DMD: variants seen among roughly 807,000 people sequenced by gnomAD.
DMD encodes dystrophin.
Under a neutral mutation model 330.1 loss-of-function variants are expected in DMD, and 63 were observed. The observed-to-expected ratio is 0.19, with a 90% CI of 0.16 to 0.24. The LOEUF (loss-of-function observed/expected upper bound fraction) is 0.24, where lower values mean the gene tolerates loss of function less well. DMD is among the 10% of genes least tolerant of loss of function. DMD has a pLI of 1.00. For synonymous variants in DMD, 1,223 were observed against 959.8 expected, an observed-to-expected ratio of 1.27 and a Z score of -5.07; for missense variants, 3,344 against 2,684.1, an observed-to-expected ratio of 1.25 and a Z score of -5.43.
chrX:32,584,924 G>C lies in DMD; in HGVS notation c.1602+10833C>G, dbSNP rs140965797. Among the ~76,000 whole-genome samples the C allele has an allele frequency of 3.0e-4, 33 of 110,570 alleles. No homozygotes were observed. In the East Asian group the frequency reaches 8.5e-3, roughly 28 times the overall value. ...TTTGCTTGATACTTCAATTTAAAAA[G>C]TACCATAAAGTTTGCATTTTTTTTT... On this transcript the variant is annotated intron_variant, in intron 13 of 78. Coordinates refer to ENST00000357033, the MANE Select transcript of DMD (RefSeq NM_004006.3).
At chrX:31,861,584 TA>T (rs55938260) in intron 48 of DMD, among the ~76,000 whole-genome samples, 9,836 of 81,450 alleles carry the variant, frequency 0.12, 509 homozygotes, top group Non-Finnish European at 0.14. Context: ...TATGCAACTG[TA>T]AAAAAAAAAA....
chrX:31,914,552 T>C (rs901484436), intron 47 of DMD, among the ~76,000 whole-genome samples: 3 of 112,254 alleles, frequency 2.7e-5, no homozygotes, highest in Non-Finnish European at 3.8e-5. Context: ...TATTCTGCCA[T>C]AGAAAAGATT....
At chrX:32,395,902 G>A (rs1306511100) in intron 30 of DMD, among the ~76,000 whole-genome samples, 1 of 111,208 alleles carries the variant, frequency 9.0e-6, no homozygotes, top group Admixed American at 9.6e-5. Flanking sequence ...CCTCTCACTT[G>A]CAAGAGACCC....
At chrX:33,309,565 T>C (rs2053817668) in intron 1 of DMD, among the ~76,000 whole-genome samples, 2 of 111,375 alleles carry the variant, frequency 1.8e-5, no homozygotes, top group South Asian at 7.3e-4. Context: ...TATATAGATA[T>C]GTGATATTTA....
chrX:33,277,433 C>T (rs186989604), intron 1 of DMD, among the ~76,000 whole-genome samples: 12 of 110,865 alleles, frequency 1.1e-4, no homozygotes, highest in Non-Finnish European at 1.3e-4. Flanking sequence ...TGAATTTTAC[C>T]TCAATTTAAA....
chrX:32,826,513 G>A (rs1249455240), intron 4 of DMD, among the ~76,000 whole-genome samples: 2 of 111,136 alleles, frequency 1.8e-5, no homozygotes, highest in African/African-American at 6.6e-5. Context: ...AATACTACTC[G>A]GACTTAAAAA....
At chrX:31,306,283 G>A (rs941314238) in intron 62 of DMD, among the ~76,000 whole-genome samples, 3 of 111,240 alleles carry the variant, frequency 2.7e-5, no homozygotes, top group Non-Finnish European at 3.8e-5. Context: ...GTTCATAAGC[G>A]GAAGAGCTGC....
chrX:32,907,200 G>A (rs2086797586), intron 2 of DMD, among the ~76,000 whole-genome samples: 1 of 111,781 alleles, frequency 8.9e-6, no homozygotes, highest in Admixed American at 9.5e-5. Context: ...GCGTGAAACA[G>A]GTTCAGTACA....
chrX:32,156,631 T>C (rs868610636), intron 44 of DMD, among the ~76,000 whole-genome samples: 1 of 94,055 alleles, frequency 1.1e-5, no homozygotes, highest in Non-Finnish European at 2.1e-5. Context: ...GACAAAAGGA[T>C]ACACACACAC....
At chrX:32,566,364 G>A (rs2051713889) in intron 15 of DMD, among the ~76,000 whole-genome samples, 1 of 111,839 alleles carries the variant, frequency 8.9e-6, no homozygotes, top group South Asian at 3.7e-4. Flanking sequence ...GAAATGCTGT[G>A]ATTATTTGGA....
chrX:32,664,157 G>T (rs1327595366), intron 9 of DMD, among the ~76,000 whole-genome samples: 1 of 110,730 alleles, frequency 9.0e-6, no homozygotes, highest in Non-Finnish European at 1.9e-5. Context: ...ATTTAGACCA[G>T]AGGTGATGGT....
intron 44 of DMD, among the ~76,000 whole-genome samples, chrX:32,192,474 C>T (rs2096980376): frequency 9.0e-6 from 1 of 111,644 alleles, no homozygotes; most frequent in Non-Finnish European, 1.9e-5. Flanking sequence ...TCATTTCTAC[C>T]TATGTGGAAT....
intron 12 of DMD, among the ~76,000 whole-genome samples, chrX:32,599,720 T>A (rs1261758642): frequency 2.7e-5 from 3 of 111,912 alleles, no homozygotes; most frequent in Non-Finnish European, 3.8e-5. Flanking sequence ...TTCCAGATTG[T>A]ACATACACAT....
At chrX:32,796,718 A>T (rs1342805895) in intron 7 of DMD, among the ~76,000 whole-genome samples, 2 of 112,050 alleles carry the variant, frequency 1.8e-5, no homozygotes, top group African/African-American at 3.3e-5. Flanking sequence ...GTATGTACAT[A>T]TATGTAAAAC....
At chrX:31,763,007 C>T (rs189512625) in intron 51 of DMD, among the ~76,000 whole-genome samples, 59 of 112,087 alleles carry the variant, frequency 5.3e-4, no homozygotes, top group African/African-American at 1.7e-3. Flanking sequence ...CTAAGTAAAA[C>T]TAGTAATCTG....
chrX:32,710,306 C>A (rs181965777), intron 7 of DMD, among the ~76,000 whole-genome samples: 4 of 110,095 alleles, frequency 3.6e-5, no homozygotes, highest in East Asian at 5.7e-4. Flanking sequence ...CATTTTGTGA[C>A]CTTGGATAAA....
At chrX:32,821,301 C>G (rs1421030216) in intron 5 of DMD, among the ~76,000 whole-genome samples, 2 of 111,395 alleles carry the variant, frequency 1.8e-5, no homozygotes, top group Admixed American at 1.9e-4. Flanking sequence ...AGTTAAAATT[C>G]AAGCCGGGCG....
chrX:32,785,652 T>G (rs1281702333), intron 7 of DMD, among the ~76,000 whole-genome samples: 2 of 111,868 alleles, frequency 1.8e-5, no homozygotes, highest in Non-Finnish European at 3.8e-5. Flanking sequence ...CAGTTTTACT[T>G]AGGTTATAAC....
At chrX:32,974,414 TGTACACTTCTA>T (rs2092479047) in intron 2 of DMD, among the ~76,000 whole-genome samples, 1 of 111,294 alleles carries the variant, frequency 9.0e-6, no homozygotes, top group Non-Finnish European at 1.9e-5. Context: ...AACACTGAAT[TGTACACTTCTA>T]GAGAGTGAAT....
Sources: gnomAD v4.1 joint callset for allele counts (sites outside exome capture counted in the v4.1 genomes callset) on GRCh38, gnomAD v4.1.1 for gene constraint, MANE v1.5 for transcripts, NCBI Gene and HGNC (gene_info 2026-07-23, HGNC 2026-07-21) for gene names.